MYO18A: variants seen among roughly 807,000 people sequenced by gnomAD.
MYO18A encodes myosin XVIIIA, also known as unconventional myosin-XVIIIa.
A neutral mutation model predicts 235.8 loss-of-function variants in MYO18A; 78 were observed. That is an observed-to-expected ratio of 0.33 (90% confidence interval 0.28 to 0.40). MYO18A has a LOEUF of 0.40. Ranked by LOEUF, MYO18A falls within the 10% of genes least tolerant of loss-of-function variation. The probability of loss-of-function intolerance (pLI) is 1.00; values close to 1 mark genes in which losing one functional copy is unlikely to be tolerated. For missense variants in MYO18A, 2,215 were observed against 2,699.3 expected (o/e 0.82, Z 3.98); for synonymous variants, 977 against 1,077.8 (o/e 0.91, Z 1.83).
chr17:29,105,833 A>T (rs1324684502), intron 20 of MYO18A, among the ~76,000 whole-genome samples: 1 of 152,062 alleles, frequency 6.6e-6, no homozygotes, highest in African/African-American at 2.4e-5. Flanking sequence ...ACCTGTAGGA[A>T]GTCAAGTCCA....
intron 2 of MYO18A, chr17:29,134,055 G>C (rs1212079627): frequency 1.6e-5 from 5 of 320,828 alleles, no homozygotes; most frequent in Non-Finnish European, 1.2e-5. Flanking sequence ...AGTAGGCACA[G>C]AACATAGCAC....
intron 1 of MYO18A, among the ~76,000 whole-genome samples, chr17:29,167,893 TGAC>T (rs2068317969): frequency 6.6e-6 from 1 of 152,202 alleles, no homozygotes; most frequent in Admixed American, 6.5e-5. Flanking sequence ...ATTTATTTAA[TGAC>T]TACCACTGGC....
rs1598410293 is a variant in MYO18A at position 29,180,189 on chromosome 17, G to A, written c.-82+124C>T. On this transcript the variant is annotated intron_variant, in intron 1 of 41. Transcript: ENST00000527372. The surrounding 1 kb of genome is among the most constrained non-coding windows in gnomAD (Gnocchi z 6.1). ...GGGCCGCTGCTTCCAGGGGACGGGG[G>A]AGGAGGAGGAGGAGCCGGCGGGCCC... 1 of 151,358 alleles carries A rather than the reference G, an allele frequency of 6.6e-6. No individual in the cohort carries two copies. The allele number at this position is 151,358 out of a possible 1,614,324, so 9.4% of individuals were successfully genotyped here.
At chr17:29,084,204 G>A (rs1365059861) in intron 40 of MYO18A, among the ~76,000 whole-genome samples, 1 of 152,128 alleles carries the variant, frequency 6.6e-6, no homozygotes, top group African/African-American at 2.4e-5. Context: ...GTGTGCATGC[G>A]TGGTGTACCT....
At chr17:29,080,517 C>T in intron 41 of MYO18A, 2 of 986,108 alleles carry the variant, frequency 2.0e-6, no homozygotes, top group Non-Finnish European at 1.2e-6. Flanking sequence ...GGCCAGAGGC[C>T]CGGCTCAGGG....
rs1386847201 is a variant in MYO18A at position 29,125,027 on chromosome 17, T to C, written c.1000-2774A>G. Among the ~76,000 whole-genome samples, 1 of 152,182 alleles carries C rather than the reference T, an allele frequency of 6.6e-6. No homozygotes were observed. The highest frequency in any genetic ancestry group is 1.5e-5 in the Non-Finnish European group (1 of 68,010). ...TCTCCTGGGCTGGCCATCCGGTCTA[T>C]TCTGAATCAGGCTCCCTCTTCTGTG... On this transcript the variant is annotated intron_variant, in intron 2 of 41. Transcript: ENST00000527372. This position sits in a 1 kb window ranked among gnomAD's most constrained non-coding sequence, Gnocchi z 5.1.
At chr17:29,093,625 G>A (rs759057167) in intron 31 of MYO18A, among the ~76,000 whole-genome samples, 198 bp from the exon 32 acceptor site, 1 of 152,016 alleles carries the variant, frequency 6.6e-6, no homozygotes, top group Non-Finnish European at 1.5e-5. Flanking sequence ...GGGATGGCAG[G>A]CCACATGCGG....
chr17:29,093,174 C>T lies in MYO18A; in HGVS notation c.4926+149G>A, dbSNP rs544278485. On this transcript the variant is annotated intron_variant, in intron 32 of 41. Coordinates refer to ENST00000527372, the MANE Select transcript of MYO18A (RefSeq NM_078471.4). ...CTGGGTGTGCCAATGTATGGTGATG[C>T]CCCCATCCCACAAGGGATGACGATG... The T allele has an allele frequency of 1.2e-5, 13 of 1,057,660 alleles. No individual in the cohort carries two copies. The East Asian group carries it at 2.6e-4, about 21-fold the overall frequency. 65.5% of individuals were successfully genotyped at this position (1,057,660 alleles called of 1,614,324 possible). A position where few individuals can be genotyped will look rare whatever the true frequency, so the allele number is the denominator to read the frequency against.
rs745768177 is a variant in MYO18A, at chr17:29,166,083, G to T, written c.858C>A (p.Ser286Arg). Residue 286 changes from serine to arginine, a missense_variant, in exon 2 of 42, where the codon AGC becomes AGA. Transcript: ENST00000527372. Reference protein sequence around the residue: ...LVEINGHNVESKSRDEIVEMI... With the variant: ...LVEINGHNVERKSRDEIVEMI... The stretch of plus-strand genomic sequence containing the variant: ...TCTCCACAATCTCATCCCTGGACTT[G>T]CTCTCCACATTGTGCCCATTAATCT... 4 of 1,613,672 alleles carry T rather than the reference G, an allele frequency of 2.5e-6. No individual in the cohort carries two copies. Among genetic ancestry groups the T allele is most frequent in the Non-Finnish European group, 3.4e-6 (4 of 1,179,904 alleles).
At position 29,074,675 on chromosome 17, in the gene MYO18A, C is replaced by G. The variant is rs761955064; in HGVS notation, c.*95G>C. 9 of 1,376,494 alleles carry G rather than the reference C, an allele frequency of 6.5e-6. No homozygotes were observed. The highest frequency in any genetic ancestry group is 1.0e-6 in the Non-Finnish European group (1 of 976,808). The allele number at this position is 1,376,494 out of a possible 1,614,324, so 85.3% of individuals were successfully genotyped here. A position where few individuals can be genotyped will look rare whatever the true frequency, so the allele number is the denominator to read the frequency against. On this transcript the variant is annotated 3_prime_UTR_variant, in exon 42 of 42. Coordinates refer to ENST00000527372, the MANE Select transcript of MYO18A (RefSeq NM_078471.4). The surrounding 1 kb of genome is among the most constrained non-coding windows in gnomAD (Gnocchi z 4.4). ...GGTGTTTCCCATGCAGATCAGCAGT[C>G]GGGTGGGGGAGACCGGTGCCCCACC...
chr17:29,152,042 G>A (rs952176987), intron 2 of MYO18A, among the ~76,000 whole-genome samples: 1 of 152,226 alleles, frequency 6.6e-6, no homozygotes, highest in African/African-American at 2.4e-5. Flanking sequence ...GAAGAGCAAA[G>A]GAACAGATTG....
intron 37 of MYO18A, among the ~76,000 whole-genome samples, chr17:29,088,668 C>A (rs2066318958): frequency 6.6e-6 from 1 of 152,184 alleles, no homozygotes; most frequent in African/African-American, 2.4e-5. Flanking sequence ...AGGAGATAAT[C>A]CTTTCTGCCT....
At chr17:29,082,684 C>G (rs1254544246) in intron 40 of MYO18A, among the ~76,000 whole-genome samples, 33 of 151,934 alleles carry the variant, frequency 2.2e-4, no homozygotes, top group Non-Finnish European at 2.9e-5. Flanking sequence ...GAGGCAGCTC[C>G]CAAGCCAGTT....
rs1332910698 is a variant in MYO18A, at chr17:29,093,439, T to G, written c.4822-12A>C. Reference sequence around the variant, plus strand: ...TCCATCTGTTTTAACTGGAGTACCATGGGGACAGAGACCCGTCCGTCCCTT... The same window carrying G: ...TCCATCTGTTTTAACTGGAGTACCAGGGGGACAGAGACCCGTCCGTCCCTT... On this transcript the variant is annotated splice_polypyrimidine_tract_variant and intron_variant, in intron 31 of 41. Transcript: ENST00000527372. The G allele has an allele frequency of 6.2e-7, 1 of 1,602,620 alleles. No individual in the cohort carries two copies. The highest frequency in any genetic ancestry group is 8.5e-7 in the Non-Finnish European group (1 of 1,174,728).
intron 1 of MYO18A, among the ~76,000 whole-genome samples, chr17:29,177,559 T>C (rs1031883625): frequency 3.9e-5 from 6 of 151,906 alleles, no homozygotes; most frequent in Admixed American, 2.6e-4. Flanking sequence ...CCTTGGAAAA[T>C]GCTAGGGGGA....
Position 29,110,588 on chromosome 17 carries a change from C to T in MYO18A, c.2935G>A (p.Gly979Ser), listed in dbSNP as rs1307594646. ...IISNLFLGRAGSATVLSGSIA... is the reference protein window; with the variant it reads ...IISNLFLGRASSATVLSGSIA... ...GAGCCAGAGAGCACCGTGGCACTGC[C>T]TGCGCGGCCCAGAAACAGGTTGCTG... is the stretch of plus-strand genomic sequence containing the variant. Residue 979 changes from glycine (G) to serine (S), a missense_variant, in exon 18 of 42, where the codon GGC becomes AGC. By Grantham distance (56) the Gly-to-Ser change is moderately conservative (BLOSUM62 0). Transcript: ENST00000527372. 6.2e-7 allele frequency: 1 copy of T among 1,609,608 alleles called. No homozygotes were observed. The highest frequency in any genetic ancestry group is 1.3e-5 in the African/African-American group (1 of 74,938).
intron 2 of MYO18A, among the ~76,000 whole-genome samples, chr17:29,161,311 C>T (rs900732363): frequency 2.0e-5 from 3 of 148,338 alleles, no homozygotes; most frequent in Admixed American, 1.4e-4. Context: ...GCTGAGATCG[C>T]GCCACTGCAT....
intron 41 of MYO18A, chr17:29,079,620 G>A (rs1445600800): frequency 3.8e-6 from 3 of 784,848 alleles, no homozygotes; most frequent in Admixed American, 6.2e-5. Context: ...AGGCATGCCC[G>A]AGAGGAGTGC....
intron 19 of MYO18A, among the ~76,000 whole-genome samples, chr17:29,108,046 A>G (rs917470744): frequency 1.3e-5 from 2 of 151,774 alleles, no homozygotes; most frequent in African/African-American, 4.8e-5. Context: ...TCTGAGCCTC[A>G]GTTTCTTCAC....
Sources: gnomAD v4.1 joint callset for allele counts (sites outside exome capture counted in the v4.1 genomes callset) on GRCh38, gnomAD v4.1.1 for gene constraint, Gnocchi (gnomAD v3.1) non-coding constraint, MANE v1.5 for transcripts, NCBI Gene and HGNC (gene_info 2026-07-23, HGNC 2026-07-21) for gene names.